LSAMP: variants seen among roughly 807,000 people sequenced by gnomAD.
The protein encoded by LSAMP is limbic system associated membrane protein.
A neutral mutation model predicts 38.6 loss-of-function variants in LSAMP; 7 were observed. The observed-to-expected ratio is 0.18, with a 90% CI of 0.10 to 0.34. LSAMP has a LOEUF of 0.34. Ranked by LOEUF, LSAMP falls within the 10% of genes least tolerant of loss-of-function variation. The pLI, the probability that LSAMP is intolerant of heterozygous loss-of-function variation, is 1.00. For missense variants in LSAMP, 313 were observed against 420.0 expected, an observed-to-expected ratio of 0.75 and a Z score of 2.23; for synonymous variants, 154 against 166.8, an observed-to-expected ratio of 0.92 and a Z score of 0.59.
chr3:116,262,113 G>A (rs1004854178), intron 1 of LSAMP, among the ~76,000 whole-genome samples: 5 of 151,794 alleles, frequency 3.3e-5, no homozygotes, highest in Admixed American at 6.6e-5. Context: ...AATTTGGATC[G>A]AAATATTCAT....
intron 1 of LSAMP, among the ~76,000 whole-genome samples, chr3:116,136,802 A>G (rs952343783): frequency 1.3e-5 from 2 of 152,074 alleles, no homozygotes; most frequent in African/African-American, 2.4e-5. Context: ...TAAGGGTGCT[A>G]TGGTACCAAG....
intron 1 of LSAMP, among the ~76,000 whole-genome samples, chr3:116,113,656 G>A (rs1010442810): frequency 2.0e-5 from 3 of 151,316 alleles, no homozygotes; most frequent in Non-Finnish European, 2.9e-5. Flanking sequence ...CGATCTCCTG[G>A]CCTTGTGATC....
At chr3:116,306,600 C>T (rs1158357335) in intron 1 of LSAMP, among the ~76,000 whole-genome samples, 1 of 152,010 alleles carries the variant, frequency 6.6e-6, no homozygotes, top group Non-Finnish European at 1.5e-5. Flanking sequence ...AGTGCCATCT[C>T]ATCCCTGGGC....
At chr3:116,441,283 ATATT>A (rs1283976487) in intron 1 of LSAMP, among the ~76,000 whole-genome samples, 1 of 152,196 alleles carries the variant, frequency 6.6e-6, no homozygotes, top group Non-Finnish European at 1.5e-5. Context: ...TGAATTTAGA[ATATT>A]TAAAATCACA....
intron 1 of LSAMP, among the ~76,000 whole-genome samples, chr3:116,164,382 A>C (rs1181466091): frequency 1.3e-5 from 2 of 151,362 alleles, no homozygotes; most frequent in African/African-American, 4.8e-5. Context: ...AATACTAAAT[A>C]AAATGAGGAA....
chr3:116,295,008 T>TAATA (rs1214585454), intron 1 of LSAMP, among the ~76,000 whole-genome samples: 2 of 152,172 alleles, frequency 1.3e-5, no homozygotes, highest in African/African-American at 4.8e-5. Flanking sequence ...AATAAAAAAC[T>TAATA]AATAGAACTG....
chr3:116,004,036 A>C (rs1213614922), intron 3 of LSAMP, among the ~76,000 whole-genome samples: 6 of 152,148 alleles, frequency 3.9e-5, no homozygotes, highest in Admixed American at 2.6e-4. Flanking sequence ...TACTGAGAAA[A>C]ACTGTGTGAT....
intron 3 of LSAMP, among the ~76,000 whole-genome samples, chr3:116,005,564 C>T (rs1940133200): frequency 6.6e-6 from 1 of 152,186 alleles, no homozygotes; most frequent in Non-Finnish European, 1.5e-5. Flanking sequence ...ACACACTAGC[C>T]TCAGCAGAGC....
chr3:116,025,137 T>C (rs1246981569), intron 2 of LSAMP, among the ~76,000 whole-genome samples: 1 of 152,122 alleles, frequency 6.6e-6, no homozygotes, highest in Non-Finnish European at 1.5e-5. Context: ...AGCATTGTAG[T>C]ACTCTGTGTA....
chr3:115,853,749 C>T (rs1381533017), intron 3 of LSAMP, among the ~76,000 whole-genome samples: 1 of 152,082 alleles, frequency 6.6e-6, no homozygotes, highest in Non-Finnish European at 1.5e-5. Flanking sequence ...TAAACTGAAC[C>T]CCCTCACCCC....
At chr3:116,377,997 A>G (rs965306094) in intron 1 of LSAMP, among the ~76,000 whole-genome samples, 2 of 152,070 alleles carry the variant, frequency 1.3e-5, no homozygotes, top group Non-Finnish European at 2.9e-5. Flanking sequence ...GTTTCTAGAA[A>G]GCAGAGCCAT....
chr3:116,173,780 A>T (rs985277418), intron 1 of LSAMP, among the ~76,000 whole-genome samples: 28 of 27,562 alleles, frequency 1.0e-3, no homozygotes, highest in African/African-American at 2.9e-3. Context: ...AGGGGAAAAC[A>T]TTTTTTTTTT....
rs140933739 is a variant in LSAMP, at chr3:116,357,396, G to A, written c.155+87481C>T. ...AGAAATAGGAATCTTTTGTGAAATT[G>A]TTGAAGACTCCCAAAGTCTCCTCAA... is the stretch of plus-strand genomic sequence containing the variant. On this transcript the variant is annotated intron_variant, in intron 1 of 6. Transcript: ENST00000490035. Among the ~76,000 whole-genome samples the A allele has an allele frequency of 4.1e-4, 62 of 152,236 alleles. 2 individuals carry two copies. The East Asian group carries it at 0.012, about 28-fold the overall frequency.
At chr3:116,124,664 G>A (rs1708964179) in intron 1 of LSAMP, among the ~76,000 whole-genome samples, 1 of 152,054 alleles carries the variant, frequency 6.6e-6, no homozygotes, top group Admixed American at 6.6e-5. Context: ...GCAAAAATAT[G>A]GAGAAGAATA....
At chr3:116,310,026 C>T (rs530761723) in intron 1 of LSAMP, among the ~76,000 whole-genome samples, 9 of 152,274 alleles carry the variant, frequency 5.9e-5, no homozygotes, top group South Asian at 4.1e-4. Flanking sequence ...TTTGTCTCAT[C>T]TCTTTGGATT....
intron 2 of LSAMP, among the ~76,000 whole-genome samples, chr3:116,065,131 T>A (rs536705621): frequency 6.6e-6 from 1 of 152,330 alleles, no homozygotes; most frequent in East Asian, 1.9e-4. Context: ...AAAAGTCTCC[T>A]GTAAACATAT....
intron 3 of LSAMP, among the ~76,000 whole-genome samples, chr3:115,979,274 G>C (rs1939286828): frequency 1.3e-5 from 2 of 151,682 alleles, no homozygotes; most frequent in South Asian, 4.2e-4. Context: ...GCTTCCACCA[G>C]TATTTGTTTT....
intron 6 of LSAMP, among the ~76,000 whole-genome samples, chr3:115,822,746 G>A (rs1230186840): frequency 1.3e-5 from 2 of 152,140 alleles, no homozygotes; most frequent in African/African-American, 4.8e-5. Context: ...AGCAATCTTA[G>A]CATGTCATCA....
chr3:116,285,046 C>A (rs2047175178), intron 1 of LSAMP, among the ~76,000 whole-genome samples: 1 of 152,070 alleles, frequency 6.6e-6, no homozygotes, highest in African/African-American at 2.4e-5. Context: ...ACAGAAACAA[C>A]AAAGAAAGCA....
Sources: allele counts gnomAD v4.1 joint callset (sites outside exome capture counted in the v4.1 genomes callset), GRCh38; gene constraint gnomAD v4.1.1; transcripts MANE v1.5; gene names NCBI Gene and HGNC (gene_info 2026-07-23, HGNC 2026-07-21).